The following SLC7A14 variants were observed in gnomAD, a reference collection of about 807,000 sequenced individuals.
The protein encoded by SLC7A14 is solute carrier family 7 member 14, also known as gamma-aminobutyric acid transporter SLC7A14.
A neutral mutation model predicts 60.2 loss-of-function variants in SLC7A14; 37 were observed. The observed-to-expected ratio is 0.61, with a 90% CI of 0.47 to 0.81. The LOEUF (loss-of-function observed/expected upper bound fraction) is 0.81, where lower values mean the gene tolerates loss of function less well. Among genes scored for constraint, SLC7A14 ranks in the 30% least tolerant of loss-of-function variants. The probability of loss-of-function intolerance (pLI) is 0.00; values close to 1 mark genes in which losing one functional copy is unlikely to be tolerated. For missense variants in SLC7A14, 886 were observed against 982.7 expected, an observed-to-expected ratio of 0.90 and a Z score of 1.32; for synonymous variants, 399 against 395.8, an observed-to-expected ratio of 1.01 and a Z score of -0.10.
intron 1 of SLC7A14, among the ~76,000 whole-genome samples, chr3:170,568,135 G>A (rs1283521957): frequency 6.6e-6 from 1 of 152,076 alleles, no homozygotes; most frequent in Non-Finnish European, 1.5e-5. Flanking sequence ...GGTTTTTATG[G>A]TTTTAGGTCT....
At chr3:170,476,751 A>G (rs944088268) in intron 7 of SLC7A14, 1 of 152,234 alleles carries the variant, frequency 6.6e-6, no homozygotes, top group African/African-American at 2.4e-5. Flanking sequence ...AGGCTGATAA[A>G]ATTATCTGCA....
chr3:170,555,648 A>G (rs1410124255), intron 1 of SLC7A14, among the ~76,000 whole-genome samples: 1 of 152,178 alleles, frequency 6.6e-6, no homozygotes, highest in Non-Finnish European at 1.5e-5. Flanking sequence ...ATAAACCTGT[A>G]CAGCATGTGA....
At chr3:170,537,335 G>A (rs1309225629) in intron 1 of SLC7A14, among the ~76,000 whole-genome samples, 2 of 152,082 alleles carry the variant, frequency 1.3e-5, no homozygotes, top group African/African-American at 4.8e-5. Context: ...CTGCTCCCCT[G>A]TTCTAAGGAT....
At chr3:170,522,333 A>G (rs1713362812) in intron 2 of SLC7A14, among the ~76,000 whole-genome samples, 1 of 152,228 alleles carries the variant, frequency 6.6e-6, no homozygotes, top group African/African-American at 2.4e-5. Flanking sequence ...AAAAACCTAC[A>G]TGTAAATACT....
intron 4 of SLC7A14, among the ~76,000 whole-genome samples, chr3:170,487,964 A>G (rs540557982): frequency 3.9e-5 from 6 of 152,318 alleles, no homozygotes; most frequent in African/African-American, 1.4e-4. Flanking sequence ...TTGAAATATC[A>G]CTTATGCTTA....
chr3:170,573,824 C>G (rs1715015051), intron 1 of SLC7A14, among the ~76,000 whole-genome samples: 1 of 152,172 alleles, frequency 6.6e-6, no homozygotes, highest in Non-Finnish European at 1.5e-5. Context: ...CTGTCTGTCC[C>G]ACTCCATTAA....
Position 170,460,834 on chromosome 3 carries a change from C to T in SLC7A14, c.*6221G>A, listed in dbSNP as rs941650548. On this transcript the variant is annotated 3_prime_UTR_variant, in exon 8 of 8. Transcript: ENST00000231706. ...TAAGAAATTAGAACTACCTGTTGTC[C>T]GAAGACCTTAAGCCCAAAGCTATCT... is the stretch of plus-strand genomic sequence containing the variant. 2 of 152,126 alleles carry T rather than the reference C, an allele frequency of 1.3e-5. No individual in the cohort carries two copies. The highest frequency in any genetic ancestry group is 6.5e-5 in the Admixed American group (1 of 15,270). The allele number at this position is 152,126 out of a possible 1,614,324, so 9.4% of individuals were successfully genotyped here.
chr3:170,482,389 T>G (rs948051306), intron 6 of SLC7A14, among the ~76,000 whole-genome samples: 5 of 152,214 alleles, frequency 3.3e-5, no homozygotes, highest in Non-Finnish European at 7.3e-5. Flanking sequence ...TGGTGATGGC[T>G]TCAGAGAGTA....
chr3:170,526,953 T>A lies in SLC7A14; in HGVS notation c.-17A>T. 1 of 1,606,318 alleles carries A rather than the reference T, an allele frequency of 6.2e-7. No homozygotes were observed. Among genetic ancestry groups the A allele is most frequent in the Non-Finnish European group, 8.5e-7 (1 of 1,176,272 alleles). ...GCCACTCATCTTGAGCGATAGGGGA[T>A]GCAGTGAAGGTCAGCTGATGGAAGG... On this transcript the variant is annotated 5_prime_UTR_variant, in exon 2 of 8. Transcript: ENST00000231706.
rs371503295 is a variant in SLC7A14, at chr3:170,470,547, G to A, written c.1994-3170C>T. On this transcript the variant is annotated intron_variant, in intron 7 of 7. Transcript: ENST00000231706. ...ACTGTGAAACAAGAAACGACCGTGT[G>A]CATGCAGCCTGGTAGAGTAAATAGT... Among the ~76,000 whole-genome samples the A allele has an allele frequency of 1.1e-4, 17 of 152,292 alleles. No individual in the cohort carries two copies. The South Asian group carries it at 3.3e-3, about 30-fold the overall frequency.
intron 2 of SLC7A14, among the ~76,000 whole-genome samples, chr3:170,504,920 G>A (rs1712726716): frequency 6.6e-6 from 1 of 152,152 alleles, no homozygotes; most frequent in African/African-American, 2.4e-5. Context: ...GGCACTTGTG[G>A]CATTAAGTGG....
At chr3:170,550,396 G>C (rs777124920) in intron 1 of SLC7A14, among the ~76,000 whole-genome samples, 7 of 151,982 alleles carry the variant, frequency 4.6e-5, no homozygotes, top group Non-Finnish European at 8.8e-5. Flanking sequence ...AAACCGTAAA[G>C]TGTGGGTGTT....
At chr3:170,495,541 G>A (rs1261041495) in intron 4 of SLC7A14, 2 of 738,426 alleles carry the variant, frequency 2.7e-6, no homozygotes, top group East Asian at 5.0e-5. Context: ...GCCCACATCA[G>A]CTCTTCAAGC....
intron 1 of SLC7A14, among the ~76,000 whole-genome samples, chr3:170,583,411 G>T (rs991636015): frequency 6.6e-6 from 1 of 152,180 alleles, no homozygotes; most frequent in African/African-American, 2.4e-5. Flanking sequence ...TGTATTTTTG[G>T]CATGTTGTTT....
rs115055741 is a variant in SLC7A14, at chr3:170,496,346, T to C, written c.759+2321A>G. The C allele has an allele frequency of 7.0e-4, 904 of 1,287,498 alleles. 5 individuals carry two copies. In the African/African-American group the frequency reaches 0.012, roughly 17 times the overall value. 79.8% of individuals were successfully genotyped at this position (1,287,498 alleles called of 1,614,324 possible). On this transcript the variant is annotated intron_variant, in intron 4 of 7. Transcript: ENST00000231706. ...GGGATGACCTGCGGTGTACAAAGAC[T>C]TAGATCTCCGAGATGAACCGGAACA...
At chr3:170,472,951 T>G (rs910852289) in intron 7 of SLC7A14, among the ~76,000 whole-genome samples, 1 of 152,180 alleles carries the variant, frequency 6.6e-6, no homozygotes, top group Non-Finnish European at 1.5e-5. Flanking sequence ...AAATACTTTG[T>G]GGTTGTAATG....
intron 2 of SLC7A14, among the ~76,000 whole-genome samples, chr3:170,520,366 C>T (rs1390528169): frequency 4.6e-5 from 7 of 152,170 alleles, no homozygotes; most frequent in African/African-American, 1.7e-4. Flanking sequence ...GCCACTATGA[C>T]CATTACATTG....
chr3:170,585,030 C>T lies in SLC7A14; in HGVS notation c.-153+881G>A, dbSNP rs939541418. Among the ~76,000 whole-genome samples, 10 of 151,894 alleles carry T rather than the reference C, an allele frequency of 6.6e-5. No homozygotes were observed. The highest frequency in any genetic ancestry group is 2.4e-4 in the African/African-American group (10 of 41,344). ...CTTTGCTTTGCTCACTCTTCAATCG[C>T]AATATAAAATACTCATTTGGGGAGG... On this transcript the variant is annotated intron_variant, in intron 1 of 7. Coordinates refer to ENST00000231706, the MANE Select transcript of SLC7A14 (RefSeq NM_020949.3). This position sits in a 1 kb window ranked among gnomAD's most constrained non-coding sequence, Gnocchi z 5.1.
intron 2 of SLC7A14, among the ~76,000 whole-genome samples, chr3:170,514,217 T>C (rs2108287586): frequency 6.6e-6 from 1 of 152,320 alleles, no homozygotes; most frequent in East Asian, 1.9e-4. Context: ...GCCTGGCACA[T>C]GCAAAGCTCC....
Sources: gnomAD v4.1 joint callset for allele counts (sites outside exome capture counted in the v4.1 genomes callset) on GRCh38, gnomAD v4.1.1 for gene constraint, Gnocchi (gnomAD v3.1) non-coding constraint, MANE v1.5 for transcripts, NCBI Gene and HGNC (gene_info 2026-07-23, HGNC 2026-07-21) for gene names.